The following ASIC2 variants were observed in gnomAD, a reference collection of about 807,000 sequenced individuals.
The protein encoded by ASIC2 is acid-sensing ion channel 2.
A neutral mutation model predicts 57.3 loss-of-function variants in ASIC2; 25 were observed. That is an observed-to-expected ratio of 0.44 (90% CI 0.32 to 0.61). The LOEUF (loss-of-function observed/expected upper bound fraction) is 0.61, where lower values mean the gene tolerates loss of function less well. ASIC2 is among the 20% of genes least tolerant of loss of function. ASIC2 has a pLI of 0.06. For synonymous variants in ASIC2, 319 were observed against 307.5 expected (o/e 1.04, Z -0.39); for missense variants, 641 against 738.1 (o/e 0.87, Z 1.52).
chr17:33,485,050 C>A (rs1483753793), intron 1 of ASIC2, among the ~76,000 whole-genome samples: 1 of 152,258 alleles, frequency 6.6e-6, no homozygotes, highest in African/African-American at 2.4e-5. Flanking sequence ...CCCTTCAATT[C>A]TTTCCTGGGT....
intron 1 of ASIC2, among the ~76,000 whole-genome samples, chr17:33,358,281 G>A (rs1289931098): frequency 6.6e-6 from 1 of 152,168 alleles, no homozygotes; most frequent in Non-Finnish European, 1.5e-5. Context: ...AGTCAGAGAC[G>A]ATATGGTCTG....
intron 1 of ASIC2, among the ~76,000 whole-genome samples, chr17:33,610,339 T>G (rs1905362330): frequency 6.6e-6 from 1 of 152,008 alleles, no homozygotes; most frequent in Non-Finnish European, 1.5e-5. Context: ...GTATTTATAG[T>G]AGAGACGGGG....
intron 1 of ASIC2, among the ~76,000 whole-genome samples, chr17:33,266,640 G>A (rs748235210): frequency 4.7e-5 from 7 of 147,528 alleles, no homozygotes; most frequent in Admixed American, 7.0e-5. Context: ...CCGCACAACC[G>A]TGGCTGCCCC....
At chr17:33,715,387 G>C (rs1293396998) in intron 1 of ASIC2, among the ~76,000 whole-genome samples, 1 of 152,202 alleles carries the variant, frequency 6.6e-6, no homozygotes, top group Non-Finnish European at 1.5e-5. Context: ...AACGTGGCTT[G>C]CTGGAGTTGT....
chr17:33,734,461 C>T (rs1418862012), intron 1 of ASIC2, among the ~76,000 whole-genome samples: 3 of 152,172 alleles, frequency 2.0e-5, no homozygotes, highest in South Asian at 4.1e-4. Context: ...TCATGTCCTT[C>T]CCACACCACC....
chr17:33,265,304 A>G (rs1909420217), intron 1 of ASIC2, among the ~76,000 whole-genome samples: 2 of 152,268 alleles, frequency 1.3e-5, no homozygotes, highest in Admixed American at 6.5e-5. Context: ...TGGTACATAT[A>G]CACCATGGAA....
At chr17:33,261,043 G>A (rs976882732) in intron 1 of ASIC2, among the ~76,000 whole-genome samples, 1 of 152,182 alleles carries the variant, frequency 6.6e-6, no homozygotes, top group African/African-American at 2.4e-5. Flanking sequence ...TTTGACTGCA[G>A]ACTTAGAAAT....
At chr17:33,516,903 C>T (rs1285389167) in intron 1 of ASIC2, among the ~76,000 whole-genome samples, 5 of 152,186 alleles carry the variant, frequency 3.3e-5, no homozygotes, top group East Asian at 1.9e-4. Flanking sequence ...TGCCCTAGGG[C>T]AGGATCCAGA....
At chr17:33,057,739 C>T (rs1332335550) in intron 3 of ASIC2, among the ~76,000 whole-genome samples, 1 of 152,220 alleles carries the variant, frequency 6.6e-6, no homozygotes, top group Non-Finnish European at 1.5e-5. Flanking sequence ...CAGGGCTGAC[C>T]TCCAGGGCAG....
At chr17:33,105,753 A>G (rs2092232113) in intron 2 of ASIC2, among the ~76,000 whole-genome samples, 1 of 152,246 alleles carries the variant, frequency 6.6e-6, no homozygotes. Context: ...AAATGCTGAC[A>G]GTGACATGGA....
chr17:33,617,111 A>C (rs898544516), intron 1 of ASIC2, among the ~76,000 whole-genome samples: 1 of 152,200 alleles, frequency 6.6e-6, no homozygotes, highest in African/African-American at 2.4e-5. Context: ...AGTAGAAAGC[A>C]CCCTAGGCTT....
chr17:33,080,528 G>A (rs993663013), intron 3 of ASIC2, among the ~76,000 whole-genome samples: 2 of 151,998 alleles, frequency 1.3e-5, no homozygotes, highest in Non-Finnish European at 2.9e-5. Context: ...CACCCCATAT[G>A]TATCATGTTT....
intron 1 of ASIC2, among the ~76,000 whole-genome samples, chr17:33,589,223 A>T (rs1388957669): frequency 6.6e-6 from 1 of 152,222 alleles, no homozygotes; most frequent in Non-Finnish European, 1.5e-5. Context: ...AGTTGAGAAC[A>T]TTAACAGCAC....
chr17:33,348,183 G>A lies in ASIC2; in HGVS notation c.556-236116C>T, dbSNP rs146117582. 3.9e-3 allele frequency among the ~76,000 whole-genome samples: 594 copies of A among 152,262 alleles called. 5 individuals carry two copies. Among genetic ancestry groups the A allele is most frequent in the African/African-American group, 0.013 (551 of 41,566 alleles). The stretch of plus-strand genomic sequence containing the variant: ...GCCAAAGCATGGATGGACCTTCTAC[G>A]TGGATTTAGCAGTCGCTGTGAATGA... On this transcript the variant is annotated intron_variant, in intron 1 of 9. Transcript: ENST00000359872.
chr17:33,059,993 T>G (rs1449764150), intron 3 of ASIC2, among the ~76,000 whole-genome samples: 2 of 152,290 alleles, frequency 1.3e-5, no homozygotes, highest in Admixed American at 6.5e-5. Context: ...CTTTGCCCAC[T>G]TTTTGATGGG....
chr17:33,464,685 C>A (rs1175052715), intron 1 of ASIC2, among the ~76,000 whole-genome samples: 38 of 104,672 alleles, frequency 3.6e-4, no homozygotes, highest in East Asian at 2.8e-3. Context: ...CTCTCTCTCT[C>A]TCTATATATA....
At chr17:33,090,484 A>C (rs2092153211) in intron 2 of ASIC2, among the ~76,000 whole-genome samples, 1 of 152,238 alleles carries the variant, frequency 6.6e-6, no homozygotes, top group South Asian at 2.1e-4. Flanking sequence ...TCAATCATTT[A>C]TGAATGGACA....
At chr17:33,175,534 T>C (rs903283034) in intron 1 of ASIC2, among the ~76,000 whole-genome samples, 1 of 152,182 alleles carries the variant, frequency 6.6e-6, no homozygotes, top group African/African-American at 2.4e-5. Context: ...CCTACTTTTT[T>C]TTTCCAACCA....
At chr17:33,333,526 T>A (rs1907396949) in intron 1 of ASIC2, among the ~76,000 whole-genome samples, 1 of 152,228 alleles carries the variant, frequency 6.6e-6, no homozygotes, top group Non-Finnish European at 1.5e-5. Context: ...CAACTCAGAA[T>A]AACAGCAAGA....
Sources: gnomAD v4.1 joint callset for allele counts (sites outside exome capture counted in the v4.1 genomes callset) on GRCh38, gnomAD v4.1.1 for gene constraint, MANE v1.5 for transcripts, NCBI Gene and HGNC (gene_info 2026-07-23, HGNC 2026-07-21) for gene names.